The following TACC2 variants were observed in gnomAD, a reference collection of about 807,000 sequenced individuals.
TACC2 encodes transforming acidic coiled-coil-containing protein 2.
Under a neutral mutation model 227.3 loss-of-function variants are expected in TACC2, and 137 were observed. The observed-to-expected ratio is 0.60, with a 90% CI of 0.52 to 0.69. TACC2 has a LOEUF of 0.69. Among genes scored for constraint, TACC2 ranks in the 30% least tolerant of loss-of-function variants. The pLI is 0.00. For missense variants in TACC2, 3,470 were observed against 3,694.4 expected, an observed-to-expected ratio of 0.94 and a Z score of 1.57; for synonymous variants, 1,523 against 1,487.5, an observed-to-expected ratio of 1.02 and a Z score of -0.55.
intron 3 of TACC2, among the ~76,000 whole-genome samples, chr10:122,054,719 G>A (rs2076047376): frequency 6.6e-6 from 1 of 152,172 alleles, no homozygotes; most frequent in Non-Finnish European, 1.5e-5. Context: ...ATCAGGCAGG[G>A]AGTGACCTTG....
At chr10:122,096,216 C>G (rs73370150) in intron 5 of TACC2, among the ~76,000 whole-genome samples, 1 of 152,070 alleles carries the variant, frequency 6.6e-6, no homozygotes, top group Non-Finnish European at 1.5e-5. Flanking sequence ...TTCCTGCACC[C>G]AAGGAGGCCT....
rs368575946 is a variant in TACC2, at chr10:122,081,951, G to A, written c.147-696G>A. Among the ~76,000 whole-genome samples the A allele has an allele frequency of 1.2e-4, 18 of 152,192 alleles. No individual in the cohort carries two copies. In the East Asian group the frequency reaches 1.9e-3, roughly 16 times the overall value. ...TTCCTGAACATCTAAGGATCCCCAG[G>A]GGTGCTGGAGACCTGCCTGTAATCT... On this transcript the variant is annotated intron_variant, in intron 3 of 22. Transcript: ENST00000369005.
chr10:122,210,804 A>G lies in TACC2; in HGVS notation c.6379A>G (p.Thr2127Ala). Reference sequence around the variant, plus strand: ...CAGTGCTTCTAGTACCCTTAAGCGAACTAAAAAACCGAGGCCGCCTTCCTT... The same window carrying G: ...CAGTGCTTCTAGTACCCTTAAGCGAGCTAAAAAACCGAGGCCGCCTTCCTT... ...SSSASSTLKRTKKPRPPSLKK... is the reference protein window; with the variant it reads ...SSSASSTLKRAKKPRPPSLKK... Residue 2127 changes from threonine to alanine, a missense_variant, in exon 9 of 23, where the codon ACT (threonine) becomes GCT (alanine). Thr to Ala is a moderately conservative substitution (Grantham distance 58). Coordinates refer to ENST00000369005, the MANE Select transcript of TACC2 (RefSeq NM_206862.4). This position sits in a 1 kb window ranked among gnomAD's most constrained non-coding sequence, Gnocchi z 4.6. 1.2e-6 allele frequency: 2 copies of G among 1,612,788 alleles called. No individual in the cohort carries two copies. The highest frequency in any genetic ancestry group is 1.7e-6 in the Non-Finnish European group (2 of 1,179,752).
chr10:122,155,360 G>GA (rs1371384166), intron 7 of TACC2, among the ~76,000 whole-genome samples: 1 of 151,388 alleles, frequency 6.6e-6, no homozygotes, highest in African/African-American at 2.4e-5. Context: ...TAGAACCAGT[G>GA]ACTTTAAACC....
In TACC2 at chr10:122,194,914, C is replaced by T. The variant is rs933511365; in HGVS notation, c.5835-126C>T. 1.3e-5 allele frequency: 11 copies of T among 861,802 alleles called. No homozygotes were observed. The highest frequency in any genetic ancestry group is 8.4e-5 in the African/African-American group (5 of 59,376). 53.4% of individuals were successfully genotyped at this position (861,802 alleles called of 1,614,324 possible). On this transcript the variant is annotated intron_variant, in intron 7 of 22. Transcript: ENST00000369005. The surrounding 1 kb of genome is among the most constrained non-coding windows in gnomAD (Gnocchi z 4.4). ...ACTGAGAAAATGACTTTCCTCTCAT[C>T]TGTCCCTGCACAGTTTAACTGAGCA...
intron 12 of TACC2, 104 bp from the exon 13 acceptor site, chr10:122,226,262 C>G (rs757424677): frequency 2.6e-6 from 2 of 766,822 alleles, no homozygotes; most frequent in Non-Finnish European, 4.4e-6. Context: ...AGGCTTTTCC[C>G]TGATGGGTTA....
intron 5 of TACC2, among the ~76,000 whole-genome samples, chr10:122,108,379 GCTCT>G (rs983422302): frequency 7.2e-6 from 1 of 137,992 alleles, no homozygotes; most frequent in Admixed American, 7.5e-5. Context: ...ATGCGCGCGC[GCTCT>G]CTCTTTCTCT....
Position 122,050,437 on chromosome 10 carries a change from G to C in TACC2, c.34-1G>C. The C allele has an allele frequency of 6.2e-7, 1 of 1,612,570 alleles. No individual in the cohort carries two copies. On this transcript the variant is annotated splice_acceptor_variant, in intron 2 of 22. Coordinates refer to ENST00000369005, the MANE Select transcript of TACC2 (RefSeq NM_206862.4). LOFTEE classifies it high-confidence loss of function. The surrounding 1 kb of genome is among the most constrained non-coding windows in gnomAD (Gnocchi z 4.6). ...TCCAATTTCTTTTTCTCCTGGCTCAGAGGACTTTATCAGCTCAGACTCCAA... is the reference window on the plus strand; with the variant it reads ...TCCAATTTCTTTTTCTCCTGGCTCACAGGACTTTATCAGCTCAGACTCCAA...
chr10:122,110,965 A>G (rs2083514068), intron 5 of TACC2, among the ~76,000 whole-genome samples: 1 of 152,202 alleles, frequency 6.6e-6, no homozygotes, highest in African/African-American at 2.4e-5. Flanking sequence ...AGCTTCTAGA[A>G]GCCACTCACA....
chr10:122,228,028 C>T lies in TACC2; in HGVS notation c.7896+20C>T. 6.2e-7 allele frequency: 1 copy of T among 1,607,622 alleles called. No individual in the cohort carries two copies. The highest frequency in any genetic ancestry group is 8.5e-7 in the Non-Finnish European group (1 of 1,176,578). On this transcript the variant is annotated intron_variant, in intron 14 of 22. Coordinates refer to ENST00000369005, the MANE Select transcript of TACC2 (RefSeq NM_206862.4). ...GAAATTGTAAGTGGAGTTGGAGGGC[C>T]CCAGATCACAGGGGATGAGGTGTGG... is the stretch of plus-strand genomic sequence containing the variant.
intron 7 of TACC2, among the ~76,000 whole-genome samples, chr10:122,159,507 A>C (rs1322626637): frequency 6.6e-6 from 1 of 152,196 alleles, no homozygotes; most frequent in Non-Finnish European, 1.5e-5. Flanking sequence ...TGCCTAGCTC[A>C]GTGCAGGGCT....
intron 5 of TACC2, among the ~76,000 whole-genome samples, chr10:122,111,151 C>A (rs7070921): frequency 6.6e-6 from 1 of 152,238 alleles, no homozygotes; most frequent in Non-Finnish European, 1.5e-5. Flanking sequence ...AGCCTCCCTA[C>A]TTTAAAGTCA....
At chr10:122,048,568 G>A (rs1300620405) in intron 2 of TACC2, among the ~76,000 whole-genome samples, 1 of 151,700 alleles carries the variant, frequency 6.6e-6, no homozygotes, top group Non-Finnish European at 1.5e-5. Flanking sequence ...ATGTTGCCCA[G>A]GCTGGTCTCG....
intron 11 of TACC2, among the ~76,000 whole-genome samples, chr10:122,223,053 C>CTCT (rs2095553116): frequency 1.1e-5 from 1 of 94,024 alleles, no homozygotes; most frequent in African/African-American, 4.1e-5. Context: ...CTCTCTCTCT[C>CTCT]TTTTTTTTTT....
At chr10:122,156,753 G>A (rs908308129) in intron 7 of TACC2, among the ~76,000 whole-genome samples, 2 of 152,118 alleles carry the variant, frequency 1.3e-5, no homozygotes, top group Non-Finnish European at 2.9e-5. Context: ...CTTCTTCCAG[G>A]TTTGCAGTTT....
chr10:122,250,124 C>T (rs914414062), intron 22 of TACC2, among the ~76,000 whole-genome samples: 1 of 152,178 alleles, frequency 6.6e-6, no homozygotes, highest in Non-Finnish European at 1.5e-5. Flanking sequence ...GTGATCTTCC[C>T]GAGGACACTG....
chr10:122,055,398 T>C (rs1404359286), intron 3 of TACC2, among the ~76,000 whole-genome samples: 2 of 152,176 alleles, frequency 1.3e-5, no homozygotes, highest in African/African-American at 4.8e-5. Context: ...AACGAGATCA[T>C]GTCCTTTGCA....
At chr10:122,008,194 C>T (rs1427104324) in intron 1 of TACC2, among the ~76,000 whole-genome samples, 1 of 151,906 alleles carries the variant, frequency 6.6e-6, no homozygotes, top group Non-Finnish European at 1.5e-5. Context: ...TTTTTTTCCC[C>T]CTAGAAGCCA....
At chr10:122,223,936 G>T (rs1348159268) in intron 11 of TACC2, among the ~76,000 whole-genome samples, 1 of 152,162 alleles carries the variant, frequency 6.6e-6, no homozygotes, top group African/African-American at 2.4e-5. Context: ...ATCCACCACT[G>T]TATCTGCTAT....
Sources: allele counts gnomAD v4.1 joint callset (sites outside exome capture counted in the v4.1 genomes callset), GRCh38; gene constraint gnomAD v4.1.1; non-coding constraint Gnocchi (gnomAD v3.1); transcripts MANE v1.5; gene names NCBI Gene and HGNC (gene_info 2026-07-23, HGNC 2026-07-21).